MAEL: variants seen among roughly 807,000 people sequenced by gnomAD.
The protein encoded by MAEL is protein maelstrom homolog.
In MAEL, 46 loss-of-function variants were observed where a neutral mutation model predicts 62.0. That is an observed-to-expected ratio of 0.74 (90% CI 0.59 to 0.95). The LOEUF is 0.95. Among genes scored for constraint, MAEL ranks in the 40% least tolerant of loss-of-function variants. The pLI, the probability that MAEL is intolerant of heterozygous loss-of-function variation, is 0.00. For missense variants in MAEL, 497 were observed against 526.8 expected (o/e 0.94, Z 0.55); for synonymous variants, 172 against 175.5 (o/e 0.98, Z 0.16).
At chr1:166,994,384 G>C (rs894538316) in intron 5 of MAEL, among the ~76,000 whole-genome samples, 2 of 152,238 alleles carry the variant, frequency 1.3e-5, no homozygotes, top group Admixed American at 1.3e-4. Context: ...ATTTAGGACT[G>C]TTTTCAGGGA....
At position 167,006,601 on chromosome 1, in the gene MAEL, C is replaced by CCATATATATA. The variant is rs1295162731; in HGVS notation, c.845+1204_845+1205insCATATATATA. ...CTATTGGAAAGTTACTGGTTTTTTA[C>CCATATATATA]TATATATATATATATATATATATAT... On this transcript the variant is annotated intron_variant, in intron 8 of 11. Transcript: ENST00000367872. Among the ~76,000 whole-genome samples the CCATATATATA allele has an allele frequency of 4.3e-3, 419 of 98,006 alleles. 12 individuals are homozygous for CCATATATATA. The highest frequency in any genetic ancestry group is 4.8e-3 in the African/African-American group (138 of 28,804). The allele number at this position is 98,006 out of a possible 152,430, so 64.3% of individuals were successfully genotyped here. A position where few individuals can be genotyped will look rare whatever the true frequency, so the allele number is the denominator to read the frequency against.
rs143105309 is a variant in MAEL, at chr1:166,981,703, G to A, written c.-121+6037G>A. Among the ~76,000 whole-genome samples, 605 of 152,288 alleles carry A rather than the reference G, an allele frequency of 4.0e-3. 3 individuals are homozygous for A. The highest frequency in any genetic ancestry group is 0.01 in the Middle Eastern group (3 of 294). ...ATTTCTAGGGGCAGAAAGGGAGCAG[G>A]AGGTAGTACAGATGCACAAGCAATA... is the stretch of plus-strand genomic sequence containing the variant. On this transcript the variant is annotated intron_variant, in intron 1 of 12. Transcript: ENST00000622874.
At chr1:166,990,020 C>T (rs952085922) in intron 2 of MAEL, 191 bp downstream of exon 2, 6 of 574,642 alleles carry the variant, frequency 1.0e-5, no homozygotes, top group African/African-American at 9.4e-5. Flanking sequence ...ACAACTAGGG[C>T]ATGCACACAT....
At position 167,021,124 on chromosome 1, in the gene MAEL, T is replaced by G. The variant is rs780680170; in HGVS notation, c.1081T>G (p.Ser361Ala). ...VGSSGFSHFNSSNEEQRSNTP... is the reference protein window; with the variant it reads ...VGSSGFSHFNASNEEQRSNTP... ...GAGTTCAGGATTCTCTCATTTCAAC[T>G]CTTCTAATGAGGAACAAAGATCAAA... Residue 361 changes from serine to alanine, a missense_variant, in exon 11 of 12, where the codon TCT becomes GCT. Transcript: ENST00000367872. 8.1e-6 allele frequency: 13 copies of G among 1,612,490 alleles called. No individual in the cohort carries two copies. Among genetic ancestry groups the G allele is most frequent in the Non-Finnish European group, 1.1e-5 (13 of 1,179,032 alleles).
At chr1:167,011,098 C>A (rs1571271617) in intron 8 of MAEL, among the ~76,000 whole-genome samples, 1 of 151,996 alleles carries the variant, frequency 6.6e-6, no homozygotes, top group African/African-American at 2.4e-5. Context: ...TCTACTAGGA[C>A]TGTTTGAATA....
intron 1 of MAEL, among the ~76,000 whole-genome samples, chr1:166,982,647 A>T (rs1201147917): frequency 6.6e-6 from 1 of 151,904 alleles, no homozygotes; most frequent in Non-Finnish European, 1.5e-5. Flanking sequence ...TGAAAATCAC[A>T]CCTTATACTT....
In MAEL at chr1:166,989,357, C is replaced by G. The variant is rs368453105; in HGVS notation, c.5C>G (p.Pro2Arg). 2 of 1,609,776 alleles carry G rather than the reference C, an allele frequency of 1.2e-6. No individual in the cohort carries two copies. The highest frequency in any genetic ancestry group is 1.7e-6 in the Non-Finnish European group (2 of 1,178,256). Residue 2 changes from proline (P) to arginine (R), a missense_variant, in exon 1 of 12, where the codon CCG becomes CGG. Coordinates refer to ENST00000367872, the MANE Select transcript of MAEL (RefSeq NM_032858.3). ...AGGAAGTTTGACCGCGCTGCCATGC[C>G]GAACCGTAAGGCCAGCCGGAATGCT... M[P>R]NRKASRNAYY... is the part of the protein sequence containing the mutation.
chr1:167,016,020 T>C (rs1038633662), intron 8 of MAEL, among the ~76,000 whole-genome samples: 4 of 152,220 alleles, frequency 2.6e-5, no homozygotes, highest in African/African-American at 9.6e-5. Context: ...TGTATGGTTA[T>C]GTGTAGGTTG....
At chr1:167,019,974 C>T (rs1233782281) in intron 10 of MAEL, among the ~76,000 whole-genome samples, 2 of 152,152 alleles carry the variant, frequency 1.3e-5, no homozygotes, top group Non-Finnish European at 2.9e-5. Context: ...ACCTAACAAT[C>T]ATATCCTGGA....
intron 4 of MAEL, 124 bp from the exon 5 acceptor site, chr1:166,993,904 T>G: frequency 1.5e-6 from 1 of 669,844 alleles, no homozygotes; most frequent in Non-Finnish European, 2.5e-6. Flanking sequence ...AAGTTTAATC[T>G]TTTGTATTTT....
chr1:167,019,371 A>G (rs1021581140), intron 10 of MAEL, among the ~76,000 whole-genome samples: 3 of 152,088 alleles, frequency 2.0e-5, no homozygotes, highest in African/African-American at 4.8e-5. Flanking sequence ...TTCATTGTTT[A>G]TATCAGTTAC....
At chr1:166,992,990 C>T (rs1557973858) in intron 4 of MAEL, 149 bp downstream of exon 4, 2 of 690,892 alleles carry the variant, frequency 2.9e-6, no homozygotes, top group Non-Finnish European at 4.3e-6. Flanking sequence ...TATTGAAAAA[C>T]TGTTAGGAAT....
chr1:166,998,149 C>A (rs1374098157), intron 5 of MAEL, among the ~76,000 whole-genome samples: 1 of 152,158 alleles, frequency 6.6e-6, no homozygotes, highest in Non-Finnish European at 1.5e-5. Flanking sequence ...TGCTTTGACC[C>A]TTTGTTCTTC....
intron 2 of MAEL, 196 bp downstream of exon 2, chr1:166,990,025 A>G: frequency 1.8e-6 from 1 of 568,022 alleles, no homozygotes; most frequent in South Asian, 2.3e-5. Context: ...TAGGGCATGC[A>G]CACATTGGTG....
chr1:167,009,348 A>C (rs1377955270), intron 8 of MAEL, among the ~76,000 whole-genome samples: 1 of 152,122 alleles, frequency 6.6e-6, no homozygotes, highest in Non-Finnish European at 1.5e-5. Context: ...AGAAAATGCA[A>C]CTTCATTTCA....
chr1:166,985,810 C>G (rs915184062), upstream of MAEL, among the ~76,000 whole-genome samples: 4 of 152,012 alleles, frequency 2.6e-5, no homozygotes, highest in Non-Finnish European at 5.9e-5. Flanking sequence ...ACAACATAAT[C>G]CATAAGAAGA....
At position 166,989,843 on chromosome 1, in the gene MAEL, G is replaced by T; in HGVS notation, c.225+14G>T. 1 of 1,598,218 alleles carries T rather than the reference G, an allele frequency of 6.3e-7. No homozygotes were observed. Among genetic ancestry groups the T allele is most frequent in the South Asian group, 1.1e-5 (1 of 89,198 alleles). Reference sequence around the variant, plus strand: ...TCAGAGAAGCAGGTAAAGTTAACGAGAGAAGAGCCGCCATCTGCCTGGCAC... The same window carrying T: ...TCAGAGAAGCAGGTAAAGTTAACGATAGAAGAGCCGCCATCTGCCTGGCAC... On this transcript the variant is annotated intron_variant, in intron 2 of 11. Transcript: ENST00000367872.
At chr1:166,991,595 G>A (rs1470251494) in intron 3 of MAEL, 118 bp downstream of exon 3, 4 of 637,744 alleles carry the variant, frequency 6.3e-6, no homozygotes, top group South Asian at 3.8e-5. Flanking sequence ...ATAACTGCAA[G>A]TGTTAAATAT....
chr1:166,998,613 T>C (rs548120001), intron 5 of MAEL, among the ~76,000 whole-genome samples: 1 of 152,352 alleles, frequency 6.6e-6, no homozygotes, highest in South Asian at 2.1e-4. Flanking sequence ...TGCTATTTGC[T>C]GTAGTTTCTT....
Sources: gnomAD v4.1 joint callset for allele counts (sites outside exome capture counted in the v4.1 genomes callset) on GRCh38, gnomAD v4.1.1 for gene constraint, MANE v1.5 for transcripts, NCBI Gene and HGNC (gene_info 2026-07-23, HGNC 2026-07-21) for gene names.